DOCK1: variants seen among roughly 807,000 people sequenced by gnomAD.
DOCK1 encodes dedicator of cytokinesis 1.
In DOCK1, 138 loss-of-function variants were observed where a neutral mutation model predicts 262.7. The ratio of observed to expected loss-of-function variants is 0.53; its 90% confidence interval spans 0.46 to 0.61. The LOEUF (loss-of-function observed/expected upper bound fraction) is 0.61. DOCK1 is among the 20% of genes least tolerant of loss of function. The pLI is 0.00. For synonymous variants in DOCK1, 866 were observed against 867.4 expected, an observed-to-expected ratio of 1.00 and a Z score of 0.03; for missense variants, 1,908 against 2,370.7, an observed-to-expected ratio of 0.80 and a Z score of 4.05.
chr10:127,001,883 T>C (rs773702917), intron 10 of DOCK1, among the ~76,000 whole-genome samples: 2 of 152,172 alleles, frequency 1.3e-5, no homozygotes, highest in African/African-American at 2.4e-5. Flanking sequence ...CTTTTTGTTT[T>C]TATGAGACAG....
rs200033640 is a variant in DOCK1 at position 126,984,537 on chromosome 10, T to G, written c.227+2564T>G. Among the ~76,000 whole-genome samples, 490 of 147,660 alleles carry G rather than the reference T, an allele frequency of 3.3e-3. 7 individuals are homozygous for G. The East Asian group carries it at 0.038, about 11-fold the overall frequency. The stretch of plus-strand genomic sequence containing the variant: ...AATTTTTGTGTGTGTGTGTGTGTGT[T>G]TTTTTTTTTTCAGTAGAGATGGGGT... On this transcript the variant is annotated intron_variant, in intron 4 of 51. Coordinates refer to ENST00000623213, the MANE Select transcript of DOCK1 (RefSeq NM_001290223.2).
At chr10:127,021,745 C>T (rs1408059517) in intron 13 of DOCK1, among the ~76,000 whole-genome samples, 1 of 152,018 alleles carries the variant, frequency 6.6e-6, no homozygotes, top group African/African-American at 2.4e-5. Flanking sequence ...GGTGGCAACC[C>T]ACTGGGATTA....
chr10:127,260,989 GCT>G (rs1405654409), intron 29 of DOCK1, among the ~76,000 whole-genome samples: 20 of 59,444 alleles, frequency 3.4e-4, no homozygotes, highest in East Asian at 6.6e-4. Context: ...GTGTACCCGT[GCT>G]CATGTGTGTG....
chr10:127,248,930 C>G (rs2498937), intron 28 of DOCK1, among the ~76,000 whole-genome samples: 33,818 of 151,988 alleles, frequency 0.22, 3,801 homozygotes, highest in African/African-American at 0.26. Flanking sequence ...ACTGTGCATG[C>G]GAAGGATCTA....
At chr10:127,253,416 G>A (rs899002867) in intron 28 of DOCK1, among the ~76,000 whole-genome samples, 6 of 152,172 alleles carry the variant, frequency 3.9e-5, no homozygotes, top group Admixed American at 6.5e-5. Flanking sequence ...CCAGCTGGAT[G>A]TCCTACAATT....
Position 127,012,137 on chromosome 10 carries a change from G to A in DOCK1, c.1059-95G>A, listed in dbSNP as rs571421494. 16 of 682,910 alleles carry A rather than the reference G, an allele frequency of 2.3e-5. No homozygotes were observed. The South Asian group carries it at 2.6e-4, about 11-fold the overall frequency. The allele number at this position is 682,910 out of a possible 1,614,324, so 42.3% of individuals were successfully genotyped here. A position where few individuals can be genotyped will look rare whatever the true frequency, so the allele number is the denominator to read the frequency against. ...CTCATGATGCCTCCCTCTCGCACTC[G>A]GTGACGATGATCTCTTATGTTCCCT... On this transcript the variant is annotated intron_variant, in intron 11 of 51. Coordinates refer to ENST00000623213, the MANE Select transcript of DOCK1 (RefSeq NM_001290223.2). The surrounding 1 kb of genome is among the most constrained non-coding windows in gnomAD (Gnocchi z 4.0).
In DOCK1 at chr10:127,026,379, C is replaced by A. The variant is rs762048054; in HGVS notation, c.1579C>A (p.Arg527Ser). 1.9e-6 allele frequency: 3 copies of A among 1,574,974 alleles called. No individual in the cohort carries two copies. The highest frequency in any genetic ancestry group is 1.7e-6 in the Non-Finnish European group (2 of 1,158,838). ...GGCCATTCCCATCGAGGACGTTAAC[C>A]GCAGTCACCTTCGGTTTACCTTCCG... ...KVAIPIEDVN[R>S]SHLRFTFRHR... The change falls in exon 16 of 52, where the codon CGC becomes AGC. Residue 527 changes from arginine to serine, a missense_variant. Transcript: ENST00000623213.
intron 1 of DOCK1, among the ~76,000 whole-genome samples, chr10:126,960,494 G>A (rs1465751437): frequency 2.0e-5 from 3 of 150,946 alleles, no homozygotes; most frequent in African/African-American, 4.9e-5. Flanking sequence ...TCTGACTGTC[G>A]TGGGGGAGTG....
chr10:127,128,775 T>G (rs1330946748), intron 27 of DOCK1, among the ~76,000 whole-genome samples: 1 of 152,190 alleles, frequency 6.6e-6, no homozygotes, highest in African/African-American at 2.4e-5. Flanking sequence ...CACATTTTCT[T>G]TATTCAGACA....
At chr10:127,298,133 C>A (rs796664011) in intron 29 of DOCK1, among the ~76,000 whole-genome samples, 27 of 152,248 alleles carry the variant, frequency 1.8e-4, no homozygotes, top group African/African-American at 6.3e-4. Context: ...TCGTTATGAG[C>A]ACCATAATTT....
rs768536912 is a variant in DOCK1, at chr10:127,444,138, C to T, written c.5272C>T (p.Arg1758Trp). 8.9e-6 allele frequency: 14 copies of T among 1,565,394 alleles called. No individual in the cohort carries two copies. Among genetic ancestry groups the T allele is most frequent in the Non-Finnish European group, 1.0e-5 (12 of 1,155,372 alleles). Residue 1758 changes from arginine to tryptophan, a missense_variant, in exon 50 of 52, where the codon CGG becomes TGG. Coordinates refer to ENST00000623213, the MANE Select transcript of DOCK1 (RefSeq NM_001290223.2). The stretch of plus-strand genomic sequence containing the variant: ...CCTTTTGATGTAGATAAGTCCCCTG[C>T]GGCCCCAGAGACCGAAGAGCCAGGT... ...VILSETISPL[R>W]PQRPKSQVMN...
chr10:127,235,799 T>C (rs200908917), intron 27 of DOCK1, among the ~76,000 whole-genome samples: 1 of 145,946 alleles, frequency 6.9e-6, no homozygotes, highest in Non-Finnish European at 1.5e-5. Flanking sequence ...TTTTTTTTTT[T>C]AATTTTAGCC....
At chr10:127,397,426 A>G (rs112766890) in intron 38 of DOCK1, among the ~76,000 whole-genome samples, 7 of 146,094 alleles carry the variant, frequency 4.8e-5, no homozygotes, top group Non-Finnish European at 9.0e-5. Context: ...AGCGACTCCT[A>G]TGTGATCTGA....
intron 24 of DOCK1, among the ~76,000 whole-genome samples, chr10:127,108,923 C>T (rs764337584): frequency 2.0e-5 from 3 of 152,062 alleles, no homozygotes; most frequent in African/African-American, 4.8e-5. Context: ...AAGGCCAACC[C>T]GGGCTTTTTG....
intron 35 of DOCK1, among the ~76,000 whole-genome samples, chr10:127,376,923 A>G (rs749155173): frequency 1.3e-5 from 2 of 152,196 alleles, no homozygotes; most frequent in Non-Finnish European, 2.9e-5. Context: ...AAAACCTACA[A>G]TCACGGTTTC....
At chr10:127,433,495 C>G in intron 48 of DOCK1, 67 bp downstream of exon 48, 2 of 1,541,148 alleles carry the variant, frequency 1.3e-6, no homozygotes, top group East Asian at 2.3e-5. Flanking sequence ...AGGAGCCACC[C>G]AGGGCTCTGG....
intron 1 of DOCK1, among the ~76,000 whole-genome samples, chr10:126,938,461 C>T (rs1003096620): frequency 9.9e-5 from 15 of 152,260 alleles, no homozygotes; most frequent in Admixed American, 2.6e-4. Flanking sequence ...TGACCTTATA[C>T]GTGAGGATTT....
intron 32 of DOCK1, 79 bp downstream of exon 32, chr10:127,354,806 T>C: frequency 6.4e-7 from 1 of 1,552,532 alleles, no homozygotes. Context: ...TTCATCAGTG[T>C]TGGGATGTCT....
At chr10:127,018,685 T>C (rs2042189082) in intron 12 of DOCK1, 25 bp from the exon 13 acceptor site, 1 of 1,613,924 alleles carries the variant, frequency 6.2e-7, no homozygotes. Context: ...AAAATGCGAC[T>C]TAAGAGCATC....
Sources: allele counts gnomAD v4.1 joint callset (sites outside exome capture counted in the v4.1 genomes callset), GRCh38; gene constraint gnomAD v4.1.1; non-coding constraint Gnocchi (gnomAD v3.1); transcripts MANE v1.5; gene names NCBI Gene and HGNC (gene_info 2026-07-23, HGNC 2026-07-21).